TLR6: variants seen among roughly 807,000 people sequenced by gnomAD.
The protein encoded by TLR6 is toll-like receptor 6.
A neutral mutation model predicts 16.1 loss-of-function variants in TLR6; 9 were observed. That is an observed-to-expected ratio of 0.56 (90% confidence interval 0.34 to 0.98). TLR6 has a LOEUF of 0.98. TLR6 is among the 50% of genes least tolerant of loss of function. The pLI, the probability that TLR6 is intolerant of heterozygous loss-of-function variation, is 0.02. For missense variants in TLR6, 786 were observed against 921.0 expected (o/e 0.85, Z 1.90); for synonymous variants, 340 against 338.6 (o/e 1.00, Z -0.04).
chr4:38,849,082 G>A (rs941013550), intron 1 of TLR6, among the ~76,000 whole-genome samples: 15 of 152,126 alleles, frequency 9.9e-5, no homozygotes, highest in Admixed American at 3.3e-4. Flanking sequence ...CTGATCTCTC[G>A]GCAGAAACTC....
In TLR6 at chr4:38,827,152, C is replaced by T. The variant is rs1489305728; in HGVS notation, c.2322G>A (p.Trp774Ter). ...TATTAAAAGCGGCTCTAATGTTAGC[C>T]CAAAAGAGCCCACGTTTGCTTTTCT... Residue 774 changes from tryptophan to a stop codon, truncating the protein, a stop_gained, in exon 2 of 2, where the codon TGG becomes TGA. Coordinates refer to ENST00000436693, the Ensembl canonical transcript of TLR6. LOFTEE classifies it high-confidence loss of function. 6.2e-7 allele frequency: 1 copy of T among 1,613,924 alleles called. No homozygotes were observed. Among genetic ancestry groups the T allele is most frequent in the Non-Finnish European group, 8.5e-7 (1 of 1,179,982 alleles).
chr4:38,862,260 C>T, the TLR6 span, among the ~76,000 whole-genome samples: 3 of 151,730 alleles, frequency 2.0e-5, no homozygotes, highest in African/African-American at 7.3e-5. Context: ...CATTTTTCTG[C>T]TCTGATGTAT....
exon 2 of TLR6, chr4:38,828,572 T>C: frequency 6.2e-7 from 1 of 1,613,876 alleles, no homozygotes. Context: ...CAATGTCGTT[T>C]TAGAATAAGT....
upstream of TLR6, among the ~76,000 whole-genome samples, chr4:38,859,982 C>T (rs999515748): frequency 1.3e-5 from 2 of 151,970 alleles, no homozygotes; most frequent in Non-Finnish European, 2.9e-5. Context: ...TAAACATAAT[C>T]TGAGGCCACC....
the TLR6 span, chr4:38,868,135 CCCTCGG>C: frequency 4.1e-6 from 1 of 241,404 alleles, no homozygotes. Context: ...AGGGTCTGCC[CCCTCGG>C]CCTGCGTGAA....
At chr4:38,849,882 C>A (rs554324720) in intron 1 of TLR6, among the ~76,000 whole-genome samples, 3 of 152,102 alleles carry the variant, frequency 2.0e-5, no homozygotes, top group Admixed American at 6.6e-5. Flanking sequence ...CTGCACCAAG[C>A]GAACCTAATA....
At chr4:38,826,956 G>GTT (rs1176276169) in exon 2 of TLR6, 1 of 802,394 alleles carries the variant, frequency 1.2e-6, no homozygotes, top group African/African-American at 1.7e-5. Flanking sequence ...ATGAAACATT[G>GTT]TTTTTGTTAA....
exon 2 of TLR6, chr4:38,827,695 G>C: frequency 6.2e-7 from 1 of 1,614,232 alleles, no homozygotes; most frequent in Non-Finnish European, 8.5e-7. Context: ...CCAGCATGGT[G>C]GCACCGATGG....
At chr4:38,828,337 C>T (rs1400829683) in exon 2 of TLR6, 1 of 1,613,288 alleles carries the variant, frequency 6.2e-7, no homozygotes, top group Admixed American at 1.7e-5. Flanking sequence ...TAAGTGTCTC[C>T]AATTTAACTA....
chr4:38,829,436 T>C (rs972994526), exon 2 of TLR6: 6 of 1,613,560 alleles, frequency 3.7e-6, no homozygotes, highest in Non-Finnish European at 5.1e-6. Flanking sequence ...GCAAACAAAA[T>C]GGAAGCTTTT....
intron 1 of TLR6, among the ~76,000 whole-genome samples, chr4:38,844,683 AAATTAAGT>A (rs1475303940): frequency 6.6e-6 from 1 of 152,230 alleles, no homozygotes; most frequent in Non-Finnish European, 1.5e-5. Context: ...CATACATCTT[AAATTAAGT>A]ATCCCAAAAC....
At chr4:38,852,611 C>T (rs529488681) in intron 1 of TLR6, among the ~76,000 whole-genome samples, 6 of 152,126 alleles carry the variant, frequency 3.9e-5, no homozygotes, top group Admixed American at 3.9e-4. Flanking sequence ...ATTTATGCAG[C>T]CAAAAGACAC....
chr4:38,853,834 T>C (rs1712863524), intron 1 of TLR6, among the ~76,000 whole-genome samples: 1 of 152,178 alleles, frequency 6.6e-6, no homozygotes. Context: ...TCAAATAAAT[T>C]TTAGTATCTC....
At chr4:38,830,784 C>G (rs779930049) in intron 1 of TLR6, among the ~76,000 whole-genome samples, 7 of 152,136 alleles carry the variant, frequency 4.6e-5, no homozygotes, top group Non-Finnish European at 7.4e-5. Flanking sequence ...AGAGTTACCT[C>G]ATTGTAGTGT....
intron 1 of TLR6, among the ~76,000 whole-genome samples, chr4:38,848,728 G>A (rs1379324785): frequency 6.6e-6 from 1 of 152,062 alleles, no homozygotes; most frequent in Non-Finnish European, 1.5e-5. Context: ...AAGTTTAGAG[G>A]AAAAAGAGTA....
At chr4:38,823,364 T>C (rs73236627), downstream of TLR6, among the ~76,000 whole-genome samples, 29,114 of 152,206 alleles carry the variant, frequency 0.19, 3,827 homozygotes, top group Non-Finnish European at 0.28. Context: ...ATGTCATCTA[T>C]GTCTGTGTGA....
the TLR6 span, among the ~76,000 whole-genome samples, chr4:38,862,930 TAAAAAAA>T: frequency 1.2e-5 from 1 of 83,112 alleles, no homozygotes; most frequent in African/African-American, 5.0e-5. Flanking sequence ...TTCTCCCATC[TAAAAAAA>T]AAAAAAAAAA....
In TLR6 at chr4:38,828,341, TTAAC is replaced by T. The variant is rs1317174148; in HGVS notation, c.1129_1132del (p.Val377AsnfsTer12). Reference sequence around the variant, plus strand: ...CTTTTGTAAGATAAGTGTCTCCAATTTAACTAACGTGGAACATTTTTCAAAAATA... The same window carrying T: ...CTTTTGTAAGATAAGTGTCTCCAATTTAACGTGGAACATTTTTCAAAAATA... On this transcript the variant is annotated frameshift_variant, in exon 2 of 2. Coordinates refer to ENST00000436693, the Ensembl canonical transcript of TLR6. LOFTEE classifies it low-confidence loss of function (END_TRUNC). 1 of 1,613,420 alleles carries T rather than the reference TTAAC, an allele frequency of 6.2e-7. No individual in the cohort carries two copies. Among genetic ancestry groups the T allele is most frequent in the Non-Finnish European group, 8.5e-7 (1 of 1,179,310 alleles).
rs113216819 is a variant in TLR6 at position 38,826,926 on chromosome 4, C to T, written c.*157G>A. On this transcript the variant is annotated 3_prime_UTR_variant, in exon 2 of 2. Transcript: ENST00000436693. ...TCTCTAACTGGCAGGCTAACCTCAC[C>T]GCCTAGCTCAGTTCCCCAGATGAAA... is the stretch of plus-strand genomic sequence containing the variant. The T allele has an allele frequency of 1.7e-3, 1,062 of 620,860 alleles. 7 individuals are homozygous for T. Among genetic ancestry groups the T allele is most frequent in the African/African-American group, 0.015 (812 of 54,220 alleles). The allele number at this position is 620,860 out of a possible 1,614,324, so 38.5% of individuals were successfully genotyped here.
Sources: gnomAD v4.1 joint callset for allele counts (sites outside exome capture counted in the v4.1 genomes callset) on GRCh38, gnomAD v4.1.1 for gene constraint, MANE v1.5 for transcripts, NCBI Gene and HGNC (gene_info 2026-07-23, HGNC 2026-07-21) for gene names.